Variants in CNTNAP3 observed in about 807,000 individuals in gnomAD.
CNTNAP3 encodes contactin associated protein family member 3, also known as contactin-associated protein-like 3.
CNTNAP3 carries 36 observed loss-of-function variants against 92.1 expected under a neutral mutation model. That is an observed-to-expected ratio of 0.39 (90% confidence interval 0.30 to 0.52). The LOEUF is 0.52. CNTNAP3 is among the 20% of genes least tolerant of loss of function. The pLI is 0.76. For missense variants in CNTNAP3, 534 were observed against 1,069.6 expected (o/e 0.50, Z 6.98); for synonymous variants, 232 against 422.3 (o/e 0.55, Z 5.53).
intron 21 of CNTNAP3, among the ~76,000 whole-genome samples, chr9:39,083,823 A>T (rs1826004403): frequency 6.6e-6 from 1 of 151,902 alleles, no homozygotes; most frequent in Admixed American, 6.6e-5. Flanking sequence ...TCTTGGATAA[A>T]ATTCAAAGCT....
At chr9:39,120,169 G>C (rs1820979265) in intron 13 of CNTNAP3, among the ~76,000 whole-genome samples, 1 of 151,864 alleles carries the variant, frequency 6.6e-6, no homozygotes, top group Non-Finnish European at 1.5e-5. Flanking sequence ...GAACTTTTTG[G>C]AAACAAAACA....
chr9:39,075,163 C>G (rs1210844196), intron 23 of CNTNAP3, among the ~76,000 whole-genome samples: 1 of 151,542 alleles, frequency 6.6e-6, no homozygotes, highest in Non-Finnish European at 1.5e-5. Context: ...TTTTTTTTAC[C>G]TGGAATGTGG....
At chr9:39,131,097 C>T (rs1821282455) in intron 13 of CNTNAP3, among the ~76,000 whole-genome samples, 1 of 150,558 alleles carries the variant, frequency 6.6e-6, no homozygotes, top group Non-Finnish European at 1.5e-5. Context: ...CCAGTAGTTT[C>T]CAAAAGATCA....
chr9:39,131,594 G>A (rs1405967011), intron 13 of CNTNAP3, among the ~76,000 whole-genome samples: 3 of 151,974 alleles, frequency 2.0e-5, no homozygotes, highest in African/African-American at 4.8e-5. Context: ...GGGAGGCTGA[G>A]GCGGGCGGAT....
chr9:39,128,707 T>C (rs1339604201), intron 13 of CNTNAP3, among the ~76,000 whole-genome samples: 3 of 151,558 alleles, frequency 2.0e-5, no homozygotes, highest in Non-Finnish European at 4.4e-5. Context: ...ATAAATTAAC[T>C]CCCTACAGAT....
intron 12 of CNTNAP3, chr9:39,139,880 G>A (rs1203534612): frequency 6.6e-6 from 1 of 152,268 alleles, no homozygotes; most frequent in Non-Finnish European, 1.5e-5. Context: ...AAGTAGCTGG[G>A]ACTACAGGCG....
rs1171884563 is a variant in CNTNAP3, at chr9:39,067,408, AT to A, written c.*6481del. Among the ~76,000 whole-genome samples, 11 of 152,308 alleles carry A rather than the reference AT, an allele frequency of 7.2e-5. No individual in the cohort carries two copies. Among genetic ancestry groups the A allele is most frequent in the African/African-American group, 2.4e-4 (10 of 41,562 alleles). On this transcript the variant is annotated 3_prime_UTR_variant, in exon 24 of 24. Transcript: ENST00000297668. ...GTGATTTTACCTCGTTGGGTGTTGG[AT>A]TTTTTTTTGATGGAGTCTGGCTCTG... is the stretch of plus-strand genomic sequence containing the variant.
chr9:39,121,404 G>C (rs982056922), intron 13 of CNTNAP3, among the ~76,000 whole-genome samples: 6 of 152,068 alleles, frequency 3.9e-5, no homozygotes, highest in African/African-American at 1.2e-4. Flanking sequence ...GAGACTTCTG[G>C]TTTCCAATCT....
intron 11 of CNTNAP3, among the ~76,000 whole-genome samples, chr9:39,143,071 A>G (rs964717521): frequency 4.0e-5 from 6 of 149,806 alleles, no homozygotes; most frequent in Non-Finnish European, 9.0e-5. Context: ...GAAAACTTTA[A>G]AAGTTAAAAA....
chr9:39,087,251 A>T (rs1296350716), intron 19 of CNTNAP3, among the ~76,000 whole-genome samples: 1 of 152,238 alleles, frequency 6.6e-6, no homozygotes, highest in African/African-American at 2.4e-5. Context: ...ATAACTTCTA[A>T]TAAGGCTCAT....
chr9:39,129,247 C>G (rs1821220747), intron 13 of CNTNAP3, among the ~76,000 whole-genome samples: 2 of 152,192 alleles, frequency 1.3e-5, no homozygotes, highest in African/African-American at 2.4e-5. Context: ...ATACAGCTAC[C>G]ATGTTCAAGA....
intron 10 of CNTNAP3, among the ~76,000 whole-genome samples, chr9:39,146,472 G>A (rs1297508680): frequency 3.3e-5 from 5 of 152,126 alleles, no homozygotes; most frequent in Admixed American, 1.3e-4. Flanking sequence ...GGTGGATGAC[G>A]AGGTCAGGAG....
intron 21 of CNTNAP3, among the ~76,000 whole-genome samples, chr9:39,083,017 C>T (rs1433707307): frequency 6.6e-6 from 1 of 151,656 alleles, no homozygotes; most frequent in Non-Finnish European, 1.5e-5. Context: ...GAGACAAACA[C>T]CATAGCACAG....
At position 39,135,853 on chromosome 9, in the gene CNTNAP3, G is replaced by A. The variant is rs1448298369; in HGVS notation, c.1877-2718C>T. ...AAAATAATAATAATGGTTGTGGCCA[G>A]GCATGGTGGCTCACGCCTGTAATCC... On this transcript the variant is annotated intron_variant, in intron 12 of 23. Coordinates refer to ENST00000297668, the MANE Select transcript of CNTNAP3 (RefSeq NM_033655.5). Among the ~76,000 whole-genome samples, 4 of 152,190 alleles carry A rather than the reference G, an allele frequency of 2.6e-5. No homozygotes were observed. The East Asian group carries it at 7.7e-4, about 29-fold the overall frequency.
intron 18 of CNTNAP3, among the ~76,000 whole-genome samples, chr9:39,099,254 C>T (rs1826395983): frequency 6.6e-6 from 1 of 152,090 alleles, no homozygotes; most frequent in Non-Finnish European, 1.5e-5. Context: ...ACGCCCAGCC[C>T]TTTTCTTTTG....
At chr9:39,092,487 T>A (rs1329166483) in intron 18 of CNTNAP3, among the ~76,000 whole-genome samples, 1 of 135,514 alleles carries the variant, frequency 7.4e-6, no homozygotes. Context: ...CTAATTTCCC[T>A]TTTGATTTCG....
intron 13 of CNTNAP3, among the ~76,000 whole-genome samples, chr9:39,118,767 G>A (rs1258111842): frequency 1.3e-5 from 2 of 152,176 alleles, no homozygotes; most frequent in African/African-American, 2.4e-5. Context: ...TGTTTTTATT[G>A]CATTGGATGT....
intron 12 of CNTNAP3, among the ~76,000 whole-genome samples, chr9:39,137,467 A>G (rs1821467568): frequency 1.3e-5 from 2 of 152,034 alleles, no homozygotes; most frequent in African/African-American, 2.4e-5. Context: ...TCCTGGTCTG[A>G]TAATTCCAAT....
At chr9:39,285,818 G>A (rs1479946560) in intron 1 of CNTNAP3, among the ~76,000 whole-genome samples, 1 of 58,518 alleles carries the variant, frequency 1.7e-5, no homozygotes, top group Non-Finnish European at 5.2e-5. Flanking sequence ...CACTGTGCCC[G>A]GCCTATAGAG....
Sources: allele counts gnomAD v4.1 joint callset (sites outside exome capture counted in the v4.1 genomes callset), GRCh38; gene constraint gnomAD v4.1.1; transcripts MANE v1.5; gene names NCBI Gene and HGNC (gene_info 2026-07-23, HGNC 2026-07-21).